MALRD1: variants seen among roughly 807,000 people sequenced by gnomAD.
MALRD1 encodes MAM and LDL-receptor class A domain-containing protein 1.
MALRD1 carries 247 observed loss-of-function variants against 242.1 expected under a neutral mutation model. The ratio of observed to expected loss-of-function variants is 1.02; its 90% CI spans 0.92 to 1.13. MALRD1 has a LOEUF of 1.13. Ranked by LOEUF, MALRD1 falls within the 50% of genes most tolerant of loss-of-function variation. The probability of loss-of-function intolerance (pLI) is 0.00; values close to 1 mark genes in which losing one functional copy is unlikely to be tolerated. For missense variants in MALRD1, 2,989 were observed against 2,533.1 expected (o/e 1.18, Z -3.86); for synonymous variants, 995 against 866.6 (o/e 1.15, Z -2.60).
chr10:19,621,421 G>A (rs187021888), intron 36 of MALRD1, among the ~76,000 whole-genome samples: 1 of 149,112 alleles, frequency 6.7e-6, no homozygotes, highest in East Asian at 2.0e-4. Context: ...AACTGAATTG[G>A]TTGAACCCAG....
intron 4 of MALRD1, among the ~76,000 whole-genome samples, chr10:19,099,214 G>A (rs1456437280): frequency 1.3e-5 from 2 of 152,096 alleles, no homozygotes; most frequent in African/African-American, 2.4e-5. Flanking sequence ...TTTACAGCTC[G>A]ATTTTTCAGG....
At position 19,619,972 on chromosome 10, in the gene MALRD1, G is replaced by A. The variant is rs574599912; in HGVS notation, c.6137+4049G>A. Among the ~76,000 whole-genome samples the A allele has an allele frequency of 1.9e-3, 293 of 151,666 alleles. 2 individuals carry two copies. The highest frequency in any genetic ancestry group is 6.7e-3 in the African/African-American group (277 of 41,288). On this transcript the variant is annotated intron_variant, in intron 36 of 39. Transcript: ENST00000454679. Reference sequence around the variant, plus strand: ...GTAGAGGCTGCAATGAGTCGTGATCGTGCCAGACTGAGTGACAGAGTAAGT... The same window carrying A: ...GTAGAGGCTGCAATGAGTCGTGATCATGCCAGACTGAGTGACAGAGTAAGT...
intron 18 of MALRD1, among the ~76,000 whole-genome samples, chr10:19,244,249 G>A (rs910953876): frequency 2.6e-5 from 4 of 151,974 alleles, no homozygotes; most frequent in African/African-American, 7.3e-5. Context: ...TTCCTTGCAC[G>A]CTTAGATAAT....
chr10:19,400,771 T>G (rs1393085974), intron 28 of MALRD1, among the ~76,000 whole-genome samples: 2 of 152,126 alleles, frequency 1.3e-5, no homozygotes. Flanking sequence ...ATCCCAGCAC[T>G]TTTGGAGGCC....
chr10:19,460,360 A>C (rs951366913), intron 29 of MALRD1, among the ~76,000 whole-genome samples: 1 of 152,178 alleles, frequency 6.6e-6, no homozygotes, highest in East Asian at 1.9e-4. Flanking sequence ...ATATTTATAC[A>C]TGCACAAATA....
At chr10:19,581,821 T>A (rs2131509918) in intron 33 of MALRD1, among the ~76,000 whole-genome samples, 1 of 151,556 alleles carries the variant, frequency 6.6e-6, no homozygotes, top group Admixed American at 6.6e-5. Flanking sequence ...GTTGAACTAG[T>A]TGACAGTCCC....
chr10:19,496,270 C>G (rs1564390935), intron 30 of MALRD1, among the ~76,000 whole-genome samples: 1 of 152,202 alleles, frequency 6.6e-6, no homozygotes, highest in Non-Finnish European at 1.5e-5. Flanking sequence ...AATATACATT[C>G]TTATTGCCAG....
intron 18 of MALRD1, among the ~76,000 whole-genome samples, chr10:19,248,762 TCTAAA>T (rs1839172060): frequency 6.6e-6 from 1 of 151,360 alleles, no homozygotes; most frequent in African/African-American, 2.4e-5. Flanking sequence ...TTTATTCAAA[TCTAAA>T]CTAAGAATTT....
At chr10:19,452,577 A>G (rs1328368888) in intron 29 of MALRD1, among the ~76,000 whole-genome samples, 1 of 152,214 alleles carries the variant, frequency 6.6e-6, no homozygotes, top group African/African-American at 2.4e-5. Context: ...GGATTTTCAA[A>G]TTGTTTTTCA....
intron 33 of MALRD1, among the ~76,000 whole-genome samples, chr10:19,584,942 G>C (rs1447806342): frequency 1.2e-4 from 19 of 152,108 alleles, no homozygotes; most frequent in African/African-American, 4.1e-4. Flanking sequence ...AGGATAGTTA[G>C]CTCTTCTTGT....
intron 28 of MALRD1, among the ~76,000 whole-genome samples, chr10:19,416,605 C>T (rs907259139): frequency 6.6e-6 from 1 of 151,982 alleles, no homozygotes; most frequent in African/African-American, 2.4e-5. Flanking sequence ...CAAAAGTCAA[C>T]TTTTACAGCT....
chr10:19,503,905 A>G (rs1838083984), intron 31 of MALRD1, among the ~76,000 whole-genome samples: 1 of 152,220 alleles, frequency 6.6e-6, no homozygotes, highest in African/African-American at 2.4e-5. Flanking sequence ...GGAACAGAAT[A>G]TGAATTAACT....
intron 31 of MALRD1, among the ~76,000 whole-genome samples, chr10:19,498,876 A>G (rs1208824937): frequency 6.6e-6 from 1 of 152,212 alleles, no homozygotes; most frequent in African/African-American, 2.4e-5. Context: ...TAAGAGACTC[A>G]CAGATTTTAC....
At chr10:19,561,534 A>G (rs993023152) in intron 32 of MALRD1, among the ~76,000 whole-genome samples, 18 of 152,176 alleles carry the variant, frequency 1.2e-4, no homozygotes, top group Non-Finnish European at 2.5e-4. Context: ...ATACACATAA[A>G]TGATTGCTAC....
chr10:19,389,421 G>C (rs539048472), intron 27 of MALRD1, 31 bp from the exon 28 acceptor site: 1 of 1,544,544 alleles, frequency 6.5e-7, no homozygotes, highest in African/African-American at 1.4e-5. Context: ...TTGTTATTTC[G>C]TTCTTCTCTG....
At chr10:19,533,038 A>C (rs575888221) in intron 32 of MALRD1, among the ~76,000 whole-genome samples, 7 of 152,148 alleles carry the variant, frequency 4.6e-5, no homozygotes, top group Non-Finnish European at 8.8e-5. Flanking sequence ...ACAGTTCCTC[A>C]TCAAAGCAAG....
intron 18 of MALRD1, among the ~76,000 whole-genome samples, chr10:19,234,063 T>C (rs1258148039): frequency 6.6e-6 from 1 of 152,004 alleles, no homozygotes; most frequent in Non-Finnish European, 1.5e-5. Flanking sequence ...CATAATAAAA[T>C]AGAAATAGTA....
chr10:19,310,157 G>A (rs1416063107), intron 21 of MALRD1, among the ~76,000 whole-genome samples: 1 of 151,302 alleles, frequency 6.6e-6, no homozygotes, highest in Admixed American at 6.6e-5. Context: ...CTCACAGTTG[G>A]GACTATTTTG....
chr10:19,332,873 G>A (rs1400243053), intron 24 of MALRD1, among the ~76,000 whole-genome samples: 1 of 152,088 alleles, frequency 6.6e-6, no homozygotes, highest in Non-Finnish European at 1.5e-5. Context: ...TAGAACACAA[G>A]TATTTTATTT....
Sources: gnomAD v4.1 joint callset for allele counts (sites outside exome capture counted in the v4.1 genomes callset) on GRCh38, gnomAD v4.1.1 for gene constraint, MANE v1.5 for transcripts, NCBI Gene and HGNC (gene_info 2026-07-23, HGNC 2026-07-21) for gene names.